The following CSF1 variants were observed in gnomAD, a reference collection of about 807,000 sequenced individuals.
CSF1 encodes colony stimulating factor 1.
In CSF1, 9 loss-of-function variants were observed where a neutral mutation model predicts 48.9. The ratio of observed to expected loss-of-function variants is 0.18; its 90% confidence interval spans 0.11 to 0.32. The LOEUF (loss-of-function observed/expected upper bound fraction) is 0.32. CSF1 is among the 10% of genes least tolerant of loss of function. The probability of loss-of-function intolerance (pLI) is 1.00; values close to 1 mark genes in which losing one functional copy is unlikely to be tolerated. For synonymous variants in CSF1, 305 were observed against 284.1 expected, an observed-to-expected ratio of 1.07 and a Z score of -0.74; for missense variants, 672 against 697.9, an observed-to-expected ratio of 0.96 and a Z score of 0.42.
intron 4 of CSF1, among the ~76,000 whole-genome samples, chr1:109,921,509 T>C (rs896247959): frequency 1.3e-5 from 2 of 152,242 alleles, no homozygotes; most frequent in African/African-American, 2.4e-5. Flanking sequence ...TACTTATTCA[T>C]AGGACTCATT....
intron 1 of CSF1, among the ~76,000 whole-genome samples, chr1:109,913,618 TG>T (rs1654779367): frequency 6.6e-6 from 1 of 152,248 alleles, no homozygotes; most frequent in Non-Finnish European, 1.5e-5. Context: ...AGGCAAGGGA[TG>T]GCCCATTACT....
intron 1 of CSF1, among the ~76,000 whole-genome samples, chr1:109,913,751 T>G (rs1450129014): frequency 3.9e-5 from 6 of 152,210 alleles, no homozygotes; most frequent in Non-Finnish European, 7.3e-5. Flanking sequence ...GTTTTTCCAG[T>G]GGCAGAGCCA....
intron 5 of CSF1, among the ~76,000 whole-genome samples, chr1:109,922,803 A>G (rs1218992540): frequency 2.6e-5 from 4 of 152,078 alleles, no homozygotes; most frequent in Non-Finnish European, 4.4e-5. Context: ...GTTGTCTTGT[A>G]TTGGTCTGGA....
Position 109,923,674 on chromosome 1 carries a change from T to A in CSF1, c.1053T>A (p.Pro351=). The change falls in exon 6 of 9, where the codon CCT becomes CCA. Residue 351 remains proline, a synonymous_variant. Transcript: ENST00000329608. ...SNFLSASSPL[P]ASAKGQQPAD... ...TCCTCTCAGCATCTTCTCCACTCCC[T>A]GCATCAGCAAAGGGCCAACAGCCGG... The A allele has an allele frequency of 1.2e-6, 2 of 1,613,718 alleles. No homozygotes were observed. Among genetic ancestry groups the A allele is most frequent in the Non-Finnish European group, 1.7e-6 (2 of 1,179,774 alleles).
At position 109,910,858 on chromosome 1, in the gene CSF1, C is replaced by A; in HGVS notation, c.-166C>A. 1 of 302,450 alleles carries A rather than the reference C, an allele frequency of 3.3e-6. No homozygotes were observed. Among genetic ancestry groups the A allele is most frequent in the Non-Finnish European group, 5.2e-6 (1 of 191,908 alleles). 18.7% of individuals were successfully genotyped at this position (302,450 alleles called of 1,614,324 possible). On this transcript the variant is annotated 5_prime_UTR_variant, in exon 1 of 9. Transcript: ENST00000329608. ...CCGAGGGCTGGCCAGTGAGGCTCGGCCCGGGGAAAGTGAAAGTTTGCCTGG... is the reference window on the plus strand; with the variant it reads ...CCGAGGGCTGGCCAGTGAGGCTCGGACCGGGGAAAGTGAAAGTTTGCCTGG...
Position 109,924,769 on chromosome 1 carries a change from T to C in CSF1, c.1570-7T>C. 2 of 1,584,052 alleles carry C rather than the reference T, an allele frequency of 1.3e-6. No individual in the cohort carries two copies. The highest frequency in any genetic ancestry group is 1.7e-6 in the Non-Finnish European group (2 of 1,164,932). On this transcript the variant is annotated splice_polypyrimidine_tract_variant and splice_region_variant and intron_variant, in intron 6 of 8. Transcript: ENST00000329608. ...CTCCTCAGTGAGATGCTCTTTCCTG[T>C]CCTCAGAGCCATCAAGAGCCTCAGA...
chr1:109,917,523 G>T, intron 4 of CSF1, 60 bp downstream of exon 4: 1 of 1,533,334 alleles, frequency 6.5e-7, no homozygotes, highest in South Asian at 1.1e-5. Flanking sequence ...TGGAGGCGCC[G>T]CTCTATCCAC....
intron 1 of CSF1, among the ~76,000 whole-genome samples, chr1:109,911,309 C>G (rs1020965395): frequency 1.3e-5 from 2 of 152,192 alleles, no homozygotes; most frequent in African/African-American, 4.8e-5. Flanking sequence ...CTGCTCACCC[C>G]ATTGCACGGA....
rs544367667 is a variant in CSF1 at position 109,925,415 on chromosome 1, C to T, written c.*13+213C>T. Reference sequence around the variant, plus strand: ...CCTGCCCCTCCATTCCATCCACCCCCGCTGAGGCCAGGGACTATTACCTCT... The same window carrying T: ...CCTGCCCCTCCATTCCATCCACCCCTGCTGAGGCCAGGGACTATTACCTCT... On this transcript the variant is annotated intron_variant, in intron 8 of 8. Coordinates refer to ENST00000329608, the MANE Select transcript of CSF1 (RefSeq NM_000757.6). Among the ~76,000 whole-genome samples, 77 of 152,220 alleles carry T rather than the reference C, an allele frequency of 5.1e-4. 2 individuals carry two copies. The highest frequency in any genetic ancestry group is 1.3e-4 in the Admixed American group (2 of 15,300).
chr1:109,924,907 C>A, intron 7 of CSF1, 79 bp downstream of exon 7: 1 of 1,398,114 alleles, frequency 7.2e-7, no homozygotes, highest in Non-Finnish European at 1.0e-6. Flanking sequence ...GGTGGTGGGG[C>A]TCTCCTGCTT....
intron 8 of CSF1, among the ~76,000 whole-genome samples, chr1:109,927,975 C>T (rs1647911393): frequency 6.6e-6 from 1 of 152,324 alleles, no homozygotes; most frequent in East Asian, 1.9e-4. Context: ...TTTATGGTTC[C>T]CCTTCTTTCC....
chr1:109,926,814 T>C (rs1036709548), intron 8 of CSF1: 1 of 152,260 alleles, frequency 6.6e-6, no homozygotes, highest in Non-Finnish European at 1.5e-5. Flanking sequence ...TCCCTAAGAT[T>C]GTAAGCCCCT....
chr1:109,928,178 G>C (rs1274616875), intron 8 of CSF1, among the ~76,000 whole-genome samples: 2 of 152,224 alleles, frequency 1.3e-5, no homozygotes. Flanking sequence ...ACAAGGATGG[G>C]GGTGGAAGGC....
At chr1:109,911,691 G>A (rs535268708) in intron 1 of CSF1, among the ~76,000 whole-genome samples, 2 of 152,360 alleles carry the variant, frequency 1.3e-5, no homozygotes, top group African/African-American at 4.8e-5. Flanking sequence ...CCACCCCCGG[G>A]GCTGCTTGGG....
intron 1 of CSF1, among the ~76,000 whole-genome samples, chr1:109,913,460 C>T (rs1015803429): frequency 6.6e-6 from 1 of 152,198 alleles, no homozygotes; most frequent in Non-Finnish European, 1.5e-5. Flanking sequence ...GACAGGGCAT[C>T]AGGAGCCAGT....
intron 5 of CSF1, among the ~76,000 whole-genome samples, chr1:109,922,735 GT>G (rs1647619679): frequency 2.0e-5 from 3 of 152,138 alleles, no homozygotes; most frequent in Non-Finnish European, 4.4e-5. Flanking sequence ...GGCTGTGGCT[GT>G]GGCTGTGGCT....
At chr1:109,913,352 AGTCT>A (rs1218840075) in intron 1 of CSF1, among the ~76,000 whole-genome samples, 2 of 152,160 alleles carry the variant, frequency 1.3e-5, no homozygotes, top group Non-Finnish European at 2.9e-5. Flanking sequence ...AAAGCCCAAG[AGTCT>A]GTCTGCTTTT....
At chr1:109,926,943 G>A (rs1647867777) in intron 8 of CSF1, among the ~76,000 whole-genome samples, 1 of 152,154 alleles carries the variant, frequency 6.6e-6, no homozygotes, top group African/African-American at 2.4e-5. Flanking sequence ...ACTGGCTTCA[G>A]GGCTGACTCA....
At chr1:109,918,002 C>T (rs1007934661) in intron 4 of CSF1, among the ~76,000 whole-genome samples, 54 of 152,236 alleles carry the variant, frequency 3.5e-4, no homozygotes, top group Middle Eastern at 6.8e-3. Flanking sequence ...TGAGACGACC[C>T]GAAGGAAGTG....
Sources: allele counts gnomAD v4.1 joint callset (sites outside exome capture counted in the v4.1 genomes callset), GRCh38; gene constraint gnomAD v4.1.1; transcripts MANE v1.5; gene names NCBI Gene and HGNC (gene_info 2026-07-23, HGNC 2026-07-21).